Variants in SPRING1 observed in about 807,000 individuals in gnomAD.
SPRING1 encodes SREBF pathway regulator in golgi 1.
In SPRING1, 14 loss-of-function variants were observed where a neutral mutation model predicts 24.7. The ratio of observed to expected loss-of-function variants is 0.57; its 90% CI spans 0.37 to 0.88. The LOEUF (loss-of-function observed/expected upper bound fraction) is 0.88, where lower values mean the gene tolerates loss of function less well. SPRING1 is among the 40% of genes least tolerant of loss of function. The probability of loss-of-function intolerance (pLI) is 0.00; values close to 1 mark genes in which losing one functional copy is unlikely to be tolerated. For synonymous variants in SPRING1, 93 were observed against 106.1 expected (o/e 0.88, Z 0.76); for missense variants, 255 against 268.4 (o/e 0.95, Z 0.35).
chr12:116,730,416 CTGG>C (rs1870919647), intron 1 of SPRING1, among the ~76,000 whole-genome samples: 1 of 151,822 alleles, frequency 6.6e-6, no homozygotes, highest in African/African-American at 2.4e-5. Context: ...GTTGGCCAGA[CTGG>C]TCTGAAACTC....
intron 1 of SPRING1, among the ~76,000 whole-genome samples, chr12:116,729,773 T>C (rs900354863): frequency 6.6e-6 from 1 of 152,192 alleles, no homozygotes; most frequent in African/African-American, 2.4e-5. Flanking sequence ...TAGGCAAAAC[T>C]ATAGAAACAA....
At chr12:116,726,268 A>G (rs1870682484) in intron 1 of SPRING1, among the ~76,000 whole-genome samples, 1 of 152,358 alleles carries the variant, frequency 6.6e-6, no homozygotes, top group Middle Eastern at 3.4e-3. Context: ...TGGAGCTTTT[A>G]AAACAATTCT....
chr12:116,715,093 C>T lies in SPRING1; in HGVS notation c.*2717G>A, dbSNP rs751667439. ...ACAAAAACAGGCACACGCCCCCACA[C>T]CCGGCTAATTTTTGTATTTTTAGTA... On this transcript the variant is annotated 3_prime_UTR_variant, in exon 5 of 5. Transcript: ENST00000261318. 26 of 151,960 alleles carry T rather than the reference C, an allele frequency of 1.7e-4. No individual in the cohort carries two copies. The highest frequency in any genetic ancestry group is 3.5e-4 in the Non-Finnish European group (24 of 68,024). 9.4% of individuals were successfully genotyped at this position (151,960 alleles called of 1,614,324 possible).
In SPRING1 at chr12:116,724,293, C is replaced by A. The variant is rs114567505; in HGVS notation, c.112-1070G>T. On this transcript the variant is annotated intron_variant, in intron 1 of 4. Transcript: ENST00000261318. Reference sequence around the variant, plus strand: ...ATCTAGGAAAGTAATCTAGGAAGTTCTGTTCGTATTTTAAAAATATATGTC... The same window carrying A: ...ATCTAGGAAAGTAATCTAGGAAGTTATGTTCGTATTTTAAAAATATATGTC... Among the ~76,000 whole-genome samples the A allele has an allele frequency of 8.2e-3, 1,245 of 152,286 alleles. 22 individuals carry two copies. Among genetic ancestry groups the A allele is most frequent in the African/African-American group, 0.028 (1,183 of 41,548 alleles).
chr12:116,722,103 G>C (rs1870464566), intron 2 of SPRING1, among the ~76,000 whole-genome samples: 1 of 152,150 alleles, frequency 6.6e-6, no homozygotes, highest in Admixed American at 6.5e-5. Flanking sequence ...ATTTAATAAT[G>C]TGTTACCCCG....
In SPRING1 at chr12:116,719,918, C is replaced by A. The variant is rs770571265; in HGVS notation, c.421-42G>T. 28 of 1,540,040 alleles carry A rather than the reference C, an allele frequency of 1.8e-5. No homozygotes were observed. In the South Asian group the frequency reaches 2.0e-4, roughly 11 times the overall value. On this transcript the variant is annotated intron_variant, in intron 3 of 4. Transcript: ENST00000261318. ...TAGTGCCTGTAATAAATTACCTAAG[C>A]CAGCACAAGGTGACCTTGGCTATCT...
At chr12:116,735,395 G>A (rs930512657) in intron 1 of SPRING1, among the ~76,000 whole-genome samples, 1 of 152,124 alleles carries the variant, frequency 6.6e-6, no homozygotes, top group East Asian at 1.9e-4. Flanking sequence ...GTCGCACAGC[G>A]TTAAGGATGT....
intron 2 of SPRING1, among the ~76,000 whole-genome samples, chr12:116,722,302 C>T (rs1275678222): frequency 1.3e-5 from 2 of 152,078 alleles, no homozygotes; most frequent in Non-Finnish European, 2.9e-5. Context: ...CTGTCTTACC[C>T]AAATTAATCA....
In SPRING1 at chr12:116,712,502, G is replaced by C. The variant is rs1869915979; in HGVS notation, c.*5308C>G. 6.6e-6 allele frequency: 1 copy of C among 152,188 alleles called. No individual in the cohort carries two copies. The highest frequency in any genetic ancestry group is 2.4e-5 in the African/African-American group (1 of 41,440). The allele number at this position is 152,188 out of a possible 1,614,324, so 9.4% of individuals were successfully genotyped here. A position where few individuals can be genotyped will look rare whatever the true frequency, so the allele number is the denominator to read the frequency against. The stretch of plus-strand genomic sequence containing the variant: ...ACACGCAAAAGGTCACACACTGGAA[G>C]AGCCTTGCCCAACGAACGATAGACT... On this transcript the variant is annotated 3_prime_UTR_variant, in exon 5 of 5. Coordinates refer to ENST00000261318, the MANE Select transcript of SPRING1 (RefSeq NM_024738.4).
At chr12:116,733,190 G>GA (rs1555256747) in intron 1 of SPRING1, among the ~76,000 whole-genome samples, 2 of 151,898 alleles carry the variant, frequency 1.3e-5, no homozygotes, top group Non-Finnish European at 2.9e-5. Flanking sequence ...GCTCGTCTTA[G>GA]TTTTTTTCTT....
chr12:116,732,294 G>A (rs1458130421), intron 1 of SPRING1, among the ~76,000 whole-genome samples: 1 of 152,150 alleles, frequency 6.6e-6, no homozygotes, highest in Non-Finnish European at 1.5e-5. Context: ...TAAAAATACC[G>A]GCCAGGCACA....
chr12:116,717,986 G>T lies in SPRING1; in HGVS notation c.535-93C>A. ...GAGTGAGAGTGGATCGGGACTGTCA[G>T]ACTCTCCCTGCAGGGGGCTGGCCGA... On this transcript the variant is annotated intron_variant, in intron 4 of 4. Transcript: ENST00000261318. This position sits in a 1 kb window ranked among gnomAD's most constrained non-coding sequence, Gnocchi z 4.2. 3 of 1,075,744 alleles carry T rather than the reference G, an allele frequency of 2.8e-6. No individual in the cohort carries two copies. The highest frequency in any genetic ancestry group is 3.9e-6 in the Non-Finnish European group (3 of 774,108). The allele number at this position is 1,075,744 out of a possible 1,614,324, so 66.6% of individuals were successfully genotyped here.
chr12:116,725,297 C>G (rs1226648440), intron 1 of SPRING1, among the ~76,000 whole-genome samples: 3 of 152,152 alleles, frequency 2.0e-5, no homozygotes, highest in African/African-American at 7.2e-5. Context: ...ATTCCTTTAT[C>G]CAGCATATCC....
intron 1 of SPRING1, among the ~76,000 whole-genome samples, chr12:116,737,256 G>A (rs1352069400): frequency 6.6e-6 from 1 of 152,112 alleles, no homozygotes; most frequent in Non-Finnish European, 1.5e-5. Flanking sequence ...CCCCACCCTC[G>A]GACGCCCCGG....
At position 116,717,043 on chromosome 12, in the gene SPRING1, A is replaced by AT. The variant is rs1385099045; in HGVS notation, c.*766dup. 1.3e-5 allele frequency: 2 copies of AT among 152,186 alleles called. No individual in the cohort carries two copies. The highest frequency in any genetic ancestry group is 4.8e-5 in the African/African-American group (2 of 41,448). The allele number at this position is 152,186 out of a possible 1,614,324, so 9.4% of individuals were successfully genotyped here. ...GCTAAAACAGTGCTCTCCATAGGGT[A>AT]TATGAGCACATTCGACTACCACTGG... On this transcript the variant is annotated 3_prime_UTR_variant, in exon 5 of 5. Transcript: ENST00000261318. This position sits in a 1 kb window ranked among gnomAD's most constrained non-coding sequence, Gnocchi z 4.2.
Position 116,717,984 on chromosome 12 carries a change from CAG to C in SPRING1, c.535-93_535-92del, listed in dbSNP as rs1435635605. The C allele has an allele frequency of 1.8e-6, 2 of 1,087,056 alleles. No individual in the cohort carries two copies. Among genetic ancestry groups the C allele is most frequent in the Non-Finnish European group, 2.6e-6 (2 of 783,460 alleles). 67.3% of individuals were successfully genotyped at this position (1,087,056 alleles called of 1,614,324 possible). Reference sequence around the variant, plus strand: ...AAGAGTGAGAGTGGATCGGGACTGTCAGACTCTCCCTGCAGGGGGCTGGCCGA... The same window carrying C: ...AAGAGTGAGAGTGGATCGGGACTGTCACTCTCCCTGCAGGGGGCTGGCCGA... On this transcript the variant is annotated intron_variant, in intron 4 of 4. Coordinates refer to ENST00000261318, the MANE Select transcript of SPRING1 (RefSeq NM_024738.4). This position sits in a 1 kb window ranked among gnomAD's most constrained non-coding sequence, Gnocchi z 4.2.
chr12:116,725,543 A>C (rs1201756861), intron 1 of SPRING1, among the ~76,000 whole-genome samples: 1 of 152,246 alleles, frequency 6.6e-6, no homozygotes, highest in Non-Finnish European at 1.5e-5. Context: ...AGGATTATTA[A>C]TAACAGAAGG....
At chr12:116,734,494 G>T (rs965570880) in intron 1 of SPRING1, among the ~76,000 whole-genome samples, 1 of 152,176 alleles carries the variant, frequency 6.6e-6, no homozygotes, top group South Asian at 2.1e-4. Context: ...AGAGGTGAAA[G>T]GTTAGCAGAA....
At chr12:116,731,478 C>G (rs752343177) in intron 1 of SPRING1, among the ~76,000 whole-genome samples, 10 of 152,154 alleles carry the variant, frequency 6.6e-5, no homozygotes, top group Non-Finnish European at 1.0e-4. Flanking sequence ...GGTGCAGTAG[C>G]TCATGCCTAT....
Sources: gnomAD v4.1 joint callset for allele counts (sites outside exome capture counted in the v4.1 genomes callset) on GRCh38, gnomAD v4.1.1 for gene constraint, Gnocchi (gnomAD v3.1) non-coding constraint, MANE v1.5 for transcripts, NCBI Gene and HGNC (gene_info 2026-07-23, HGNC 2026-07-21) for gene names.